Variants in USPL1 observed in about 807,000 individuals in gnomAD.
USPL1 encodes the protein SUMO-specific isopeptidase USPL1.
Under a neutral mutation model 51.5 loss-of-function variants are expected in USPL1, and 27 were observed. The observed-to-expected ratio is 0.52, with a 90% CI of 0.39 to 0.72. The LOEUF (loss-of-function observed/expected upper bound fraction) is 0.72. Ranked by LOEUF, USPL1 falls within the 30% of genes least tolerant of loss-of-function variation. The probability of loss-of-function intolerance (pLI) is 0.00; values close to 1 mark genes in which losing one functional copy is unlikely to be tolerated. For missense variants in USPL1, 1,226 were observed against 1,268.0 expected, an observed-to-expected ratio of 0.97 and a Z score of 0.50; for synonymous variants, 451 against 459.6, an observed-to-expected ratio of 0.98 and a Z score of 0.24.
At chr13:30,649,413 A>G (rs1379090903) in intron 7 of USPL1, among the ~76,000 whole-genome samples, 1 of 152,234 alleles carries the variant, frequency 6.6e-6, no homozygotes, top group Non-Finnish European at 1.5e-5. Flanking sequence ...ATGTAATTAA[A>G]ACATATAGAA....
intron 3 of USPL1, 53 bp from the exon 4 acceptor site, chr13:30,630,782 C>G: frequency 6.7e-7 from 1 of 1,487,202 alleles, no homozygotes; most frequent in Non-Finnish European, 9.0e-7. Context: ...AACTATAAAA[C>G]ATGAAGTTAT....
In USPL1 at chr13:30,658,706, C is replaced by G; in HGVS notation, c.2629C>G (p.His877Asp). 1 of 1,614,220 alleles carries G rather than the reference C, an allele frequency of 6.2e-7. No homozygotes were observed. The highest frequency in any genetic ancestry group is 8.5e-7 in the Non-Finnish European group (1 of 1,180,036). ...SYGNGISSAN[H>D]EDLVEGQIHK... ...TGGGAATGGTATTTCTTCAGCAAAC[C>G]ATGAAGACTTGGTGGAAGGTCAGAT... is the stretch of plus-strand genomic sequence containing the variant. The change falls in exon 9 of 9, where the codon CAT becomes GAT. Residue 877 changes from histidine (H) to aspartate (D), a missense_variant. Physicochemically the swap from His to Asp is moderately conservative, Grantham distance 81 (BLOSUM62 -1). Transcript: ENST00000255304.
In USPL1 at chr13:30,657,655, G is replaced by A; in HGVS notation, c.1578G>A (p.Glu526=). The A allele has an allele frequency of 6.2e-7, 1 of 1,614,176 alleles. No individual in the cohort carries two copies. The highest frequency in any genetic ancestry group is 8.5e-7 in the Non-Finnish European group (1 of 1,179,992). Residue 526 remains glutamate, a synonymous_variant, in exon 9 of 9, where the codon GAG becomes GAA. Transcript: ENST00000255304. ...KTNDQHALSN[E]KPVSLTSCSV... ...ATGACCAACACGCTCTCAGTAATGA[G>A]AAACCAGTATCTTTAACATCGTGTT...
intron 7 of USPL1, among the ~76,000 whole-genome samples, chr13:30,647,889 A>G (rs1421001368): frequency 1.3e-5 from 2 of 152,232 alleles, no homozygotes; most frequent in African/African-American, 4.8e-5. Flanking sequence ...AAAGGGAAAA[A>G]GGGCAGTAGT....
chr13:30,638,285 A>G (rs1950902549), intron 5 of USPL1, among the ~76,000 whole-genome samples: 1 of 152,220 alleles, frequency 6.6e-6, no homozygotes, highest in Non-Finnish European at 1.5e-5. Context: ...TAGAAACCCC[A>G]CATGATTGTT....
At position 30,657,816 on chromosome 13, in the gene USPL1, T is replaced by C; in HGVS notation, c.1739T>C (p.Val580Ala). 1.2e-6 allele frequency: 2 copies of C among 1,613,998 alleles called. No homozygotes were observed. Among genetic ancestry groups the C allele is most frequent in the South Asian group, 1.1e-5 (1 of 91,084 alleles). The change falls in exon 9 of 9, where the codon GTT (valine) becomes GCT (alanine). Residue 580 changes from valine to alanine, a missense_variant. By Grantham distance (64) the Val-to-Ala change is moderately conservative. Coordinates refer to ENST00000255304, the MANE Select transcript of USPL1 (RefSeq NM_005800.5). The stretch of plus-strand genomic sequence containing the variant: ...TTACTTTCAGGTCCAAAAGGTTTGG[T>C]TGACAATATTTTACCTCTGACACTT... ...DHLLSGPKGL[V>A]DNILPLTLEE...
At position 30,658,211 on chromosome 13, in the gene USPL1, C is replaced by A. The variant is rs559387555; in HGVS notation, c.2134C>A (p.Gln712Lys). 15 of 1,610,864 alleles carry A rather than the reference C, an allele frequency of 9.3e-6. No homozygotes were observed. In the South Asian group the frequency reaches 1.6e-4, roughly 17 times the overall value. ...LKQFLTPKTEQLKPERVTSQV... is the reference protein window; with the variant it reads ...LKQFLTPKTEKLKPERVTSQV... ...ACAATTCCTTACACCAAAAACTGAA[C>A]AATTAAAACCAGAACGTGTCACATC... Residue 712 changes from glutamine (Q) to lysine (K), a missense_variant, in exon 9 of 9, where the codon CAA (glutamine) becomes AAA (lysine). Transcript: ENST00000255304.
intron 8 of USPL1, among the ~76,000 whole-genome samples, chr13:30,653,565 A>G (rs1207540884): frequency 6.6e-6 from 1 of 152,160 alleles, no homozygotes; most frequent in African/African-American, 2.4e-5. Context: ...TTTTAGACAA[A>G]GGATGAGATT....
At chr13:30,629,762 G>T in intron 3 of USPL1, among the ~76,000 whole-genome samples, 1 of 152,150 alleles carries the variant, frequency 6.6e-6, no homozygotes, top group East Asian at 1.9e-4. Context: ...GTCCTCTTGA[G>T]CCAGTGCTTA....
At chr13:30,618,573 T>G (rs1000907034) in intron 1 of USPL1, among the ~76,000 whole-genome samples, 3 of 152,182 alleles carry the variant, frequency 2.0e-5, no homozygotes, top group Non-Finnish European at 2.9e-5. Context: ...TTCTCCATTT[T>G]GCACACAGGA....
In USPL1 at chr13:30,659,626, T is replaced by A. The variant is rs531797138; in HGVS notation, c.*270T>A. On this transcript the variant is annotated 3_prime_UTR_variant, in exon 9 of 9. Coordinates refer to ENST00000255304, the MANE Select transcript of USPL1 (RefSeq NM_005800.5). ...GTTAAAGATGAAAAGTGGCGTCTAG[T>A]TTCTGACAGTTTGTACAGTTGGATG... The A allele has an allele frequency of 2.5e-4, 82 of 321,842 alleles. No individual in the cohort carries two copies. In the Middle Eastern group the frequency reaches 4.6e-3, roughly 18 times the overall value. 19.9% of individuals were successfully genotyped at this position (321,842 alleles called of 1,614,324 possible).
intron 4 of USPL1, among the ~76,000 whole-genome samples, chr13:30,636,408 C>T (rs548144713): frequency 6.1e-4 from 93 of 151,478 alleles, no homozygotes; most frequent in Non-Finnish European, 1.2e-3. Context: ...TTTCATATTA[C>T]AGGAGAATCC....
At chr13:30,631,732 C>G (rs41291233) in intron 4 of USPL1, among the ~76,000 whole-genome samples, 4,027 of 152,294 alleles carry the variant, frequency 0.026, 80 homozygotes, top group Non-Finnish European at 0.041. Flanking sequence ...TGCAAGCACC[C>G]TTCCCGCCTC....
chr13:30,643,597 T>TCCCCCCCC (rs201886838), intron 6 of USPL1, among the ~76,000 whole-genome samples: 6 of 86,960 alleles, frequency 6.9e-5, no homozygotes, highest in African/African-American at 2.3e-4. Context: ...AATAACTCTT[T>TCCCCCCCC]CCACCCCCCC....
At chr13:30,644,608 T>C (rs918176246) in intron 6 of USPL1, among the ~76,000 whole-genome samples, 1 of 151,998 alleles carries the variant, frequency 6.6e-6, no homozygotes, top group Non-Finnish European at 1.5e-5. Flanking sequence ...CTGAGACAGA[T>C]GAATGTGTGG....
chr13:30,624,575 G>T (rs1253819741), intron 3 of USPL1, among the ~76,000 whole-genome samples: 1 of 152,144 alleles, frequency 6.6e-6, no homozygotes, highest in Admixed American at 6.5e-5. Flanking sequence ...AGCTGTGATT[G>T]TGCCACTGCA....
intron 3 of USPL1, among the ~76,000 whole-genome samples, chr13:30,628,374 A>G (rs955422738): frequency 6.6e-6 from 1 of 151,878 alleles, no homozygotes; most frequent in African/African-American, 2.4e-5. Context: ...CTTAATCTCC[A>G]GTTTATTTCT....
Position 30,657,951 on chromosome 13 carries a change from T to G in USPL1, c.1874T>G (p.Leu625Trp). 2 of 1,613,708 alleles carry G rather than the reference T, an allele frequency of 1.2e-6. No individual in the cohort carries two copies. The highest frequency in any genetic ancestry group is 1.7e-6 in the Non-Finnish European group (2 of 1,180,034). Residue 625 changes from leucine to tryptophan, a missense_variant, in exon 9 of 9, where the codon TTG becomes TGG. By Grantham distance (61) the Leu-to-Trp change is moderately conservative. Transcript: ENST00000255304. ...ENTGILKTNT[L>W]LSQESLMASS... is the part of the protein sequence containing the mutation. ...ACAGGAATTCTCAAAACCAATACTT[T>G]GCTATCACAAGAATCACTAATGGCT...
chr13:30,629,301 T>C (rs1009555740), intron 3 of USPL1, among the ~76,000 whole-genome samples: 1 of 152,000 alleles, frequency 6.6e-6, no homozygotes, highest in Non-Finnish European at 1.5e-5. Context: ...CCCAGGAGTT[T>C]GAGAGCAGCC....
Sources: allele counts gnomAD v4.1 joint callset (sites outside exome capture counted in the v4.1 genomes callset), GRCh38; gene constraint gnomAD v4.1.1; transcripts MANE v1.5; gene names NCBI Gene and HGNC (gene_info 2026-07-23, HGNC 2026-07-21).